The following UTS2B variants were observed in gnomAD, a reference collection of about 807,000 sequenced individuals.
The protein encoded by UTS2B is urotensin 2B.
In UTS2B, 21 loss-of-function variants were observed where a neutral mutation model predicts 19.2. The ratio of observed to expected loss-of-function variants is 1.09; its 90% CI spans 0.78 to 1.58. UTS2B has a LOEUF of 1.58. Among genes scored for constraint, UTS2B ranks in the 40% most tolerant of loss-of-function variants. UTS2B has a pLI of 0.00. For missense variants in UTS2B, 138 were observed against 130.3 expected, an observed-to-expected ratio of 1.06 and a Z score of -0.29; for synonymous variants, 57 against 50.2, an observed-to-expected ratio of 1.14 and a Z score of -0.58.
intron 8 of UTS2B, among the ~76,000 whole-genome samples, chr3:191,268,854 T>A (rs1716013211): frequency 6.6e-6 from 1 of 152,166 alleles, no homozygotes; most frequent in African/African-American, 2.4e-5. Context: ...GAAAGTCACA[T>A]AAGTAAAAAA....
chr3:191,323,361 G>T (rs1363465154), intron 2 of UTS2B, among the ~76,000 whole-genome samples: 1 of 152,060 alleles, frequency 6.6e-6, no homozygotes, highest in Non-Finnish European at 1.5e-5. Context: ...TAGAGACAAG[G>T]TTTCACTATG....
At chr3:191,268,553 C>A (rs911004679) in intron 8 of UTS2B, 112 bp from the exon 9 acceptor site, 1 of 689,618 alleles carries the variant, frequency 1.5e-6, no homozygotes, top group South Asian at 2.0e-5. Context: ...TTAAAAGGGA[C>A]AGTCAATATT....
At chr3:191,324,350 TAGAGTA>T (rs1490935197) in intron 2 of UTS2B, among the ~76,000 whole-genome samples, 3 of 152,160 alleles carry the variant, frequency 2.0e-5, no homozygotes, top group African/African-American at 7.2e-5. Flanking sequence ...CAACTGAAAA[TAGAGTA>T]AGACAGATGG....
chr3:191,313,296 A>C (rs1717355577), intron 3 of UTS2B, among the ~76,000 whole-genome samples: 1 of 152,114 alleles, frequency 6.6e-6, no homozygotes, highest in South Asian at 2.1e-4. Flanking sequence ...CACCCAGCTT[A>C]AACAATTTTT....
At chr3:191,317,777 A>G (rs1717506088) in intron 2 of UTS2B, among the ~76,000 whole-genome samples, 1 of 152,156 alleles carries the variant, frequency 6.6e-6, no homozygotes, top group African/African-American at 2.4e-5. Context: ...ACGGTGTTTC[A>G]GCATGTTGGC....
upstream of UTS2B, among the ~76,000 whole-genome samples, chr3:191,333,713 CATT>C (rs142031127): frequency 0.052 from 7,890 of 152,144 alleles, 332 homozygotes; most frequent in East Asian, 0.19. Flanking sequence ...TGAATGAATA[CATT>C]ATTATTCTCT....
chr3:191,291,629 T>C (rs771992672), intron 4 of UTS2B, among the ~76,000 whole-genome samples: 6 of 152,100 alleles, frequency 3.9e-5, no homozygotes, highest in African/African-American at 9.7e-5. Flanking sequence ...ATTATTTGTA[T>C]TTTTAGTGGA....
At chr3:191,341,278 A>T in the UTS2B span, among the ~76,000 whole-genome samples, 1 of 152,210 alleles carries the variant, frequency 6.6e-6, no homozygotes, top group South Asian at 2.1e-4. Flanking sequence ...GGCTCTATTT[A>T]TTGAGCTGCT....
rs146094222 is a variant in UTS2B, at chr3:191,268,496, CT to C, written c.335-56del. ...TTAGAAGTATATTTGATAAAACTTG[CT>C]CTTGAATCAATAGCTTATGTGTGCC... is the stretch of plus-strand genomic sequence containing the variant. On this transcript the variant is annotated intron_variant, in intron 8 of 8. Transcript: ENST00000340524. 2,077 of 1,335,806 alleles carry C rather than the reference CT, an allele frequency of 1.6e-3. 30 individuals are homozygous for C. The African/African-American group carries it at 0.026, about 17-fold the overall frequency. The allele number at this position is 1,335,806 out of a possible 1,614,324, so 82.7% of individuals were successfully genotyped here. A position where few individuals can be genotyped will look rare whatever the true frequency, so the allele number is the denominator to read the frequency against.
In UTS2B at chr3:191,326,000, C is replaced by T. The variant is rs1043382332; in HGVS notation, c.-586+2631G>A. 2.6e-5 allele frequency among the ~76,000 whole-genome samples: 4 copies of T among 152,062 alleles called. 1 individual carries two copies. The highest frequency in any genetic ancestry group is 9.7e-5 in the African/African-American group (4 of 41,406). ...AAGTGAATAACAGTTCTAATTGCAT[C>T]CTCATTTTTGGAACTGTTCTCTTAG... On this transcript the variant is annotated intron_variant, in intron 2 of 8. Transcript: ENST00000340524.
rs759080887 is a variant in UTS2B at position 191,268,389 on chromosome 3, TC to T, written c.*26del. On this transcript the variant is annotated 3_prime_UTR_variant, in exon 9 of 9. Coordinates refer to ENST00000340524, the MANE Select transcript of UTS2B (RefSeq NM_198152.5). ...TACATATATTTTCCTGATATTCTTA[TC>T]TTTTTTTGCATCCAGAGAAAAAGCT... The T allele has an allele frequency of 6.5e-7, 1 of 1,544,764 alleles. No individual in the cohort carries two copies. The highest frequency in any genetic ancestry group is 8.9e-7 in the Non-Finnish European group (1 of 1,128,318).
chr3:191,308,874 G>T (rs12488903), intron 3 of UTS2B, among the ~76,000 whole-genome samples: 1 of 151,800 alleles, frequency 6.6e-6, no homozygotes, highest in African/African-American at 2.4e-5. Flanking sequence ...GATCTTATCT[G>T]TAGAGTGGAC....
intron 3 of UTS2B, among the ~76,000 whole-genome samples, chr3:191,314,469 T>C (rs909697512): frequency 2.0e-5 from 3 of 152,206 alleles, no homozygotes; most frequent in African/African-American, 7.2e-5. Flanking sequence ...AAATTTCATG[T>C]GTTACTCTTC....
At chr3:191,285,839 C>T (rs906510948) in intron 4 of UTS2B, among the ~76,000 whole-genome samples, 69 of 152,120 alleles carry the variant, frequency 4.5e-4, no homozygotes, top group African/African-American at 1.6e-3. Context: ...GCGGAGGTTG[C>T]AGTGAGCCAA....
At chr3:191,312,905 G>GT (rs1553833007) in intron 3 of UTS2B, among the ~76,000 whole-genome samples, 1 of 152,166 alleles carries the variant, frequency 6.6e-6, no homozygotes, top group Non-Finnish European at 1.5e-5. Context: ...GGATAACGAG[G>GT]CACAGAAATG....
intron 4 of UTS2B, among the ~76,000 whole-genome samples, chr3:191,285,556 C>T (rs897615622): frequency 1.3e-5 from 2 of 152,112 alleles, no homozygotes; most frequent in African/African-American, 4.8e-5. Flanking sequence ...AAAAACAATA[C>T]CCAACTATAT....
intron 4 of UTS2B, among the ~76,000 whole-genome samples, chr3:191,294,359 G>A (rs544015528): frequency 2.6e-5 from 4 of 151,966 alleles, no homozygotes; most frequent in African/African-American, 4.8e-5. Flanking sequence ...ATTAGAAGAC[G>A]CAAATTTAAA....
chr3:191,337,261 A>G, the UTS2B span, among the ~76,000 whole-genome samples: 2 of 152,172 alleles, frequency 1.3e-5, no homozygotes, highest in South Asian at 4.1e-4. Context: ...AGTTATCGGT[A>G]TAAACACTGT....
intron 1 of UTS2B, chr3:191,329,668 G>A (rs1445901046): frequency 6.2e-7 from 1 of 1,608,208 alleles, no homozygotes; most frequent in South Asian, 1.1e-5. Context: ...CGGGACCCTG[G>A]CCCGGTATGG....
Sources: allele counts gnomAD v4.1 joint callset (sites outside exome capture counted in the v4.1 genomes callset), GRCh38; gene constraint gnomAD v4.1.1; transcripts MANE v1.5; gene names NCBI Gene and HGNC (gene_info 2026-07-23, HGNC 2026-07-21).